PID1: variants seen among roughly 807,000 people sequenced by gnomAD.
PID1 encodes phosphotyrosine interaction domain containing 1.
Under a neutral mutation model 19.1 loss-of-function variants are expected in PID1, and 10 were observed. The ratio of observed to expected loss-of-function variants is 0.52; its 90% CI spans 0.32 to 0.89. PID1 has a LOEUF of 0.89. Ranked by LOEUF, PID1 falls within the 40% of genes least tolerant of loss-of-function variation. The pLI, the probability that PID1 is intolerant of heterozygous loss-of-function variation, is 0.03. For synonymous variants in PID1, 130 were observed against 116.0 expected (o/e 1.12, Z -0.78); for missense variants, 248 against 285.3 (o/e 0.87, Z 0.94).
intron 2 of PID1, among the ~76,000 whole-genome samples, chr2:229,140,240 T>G (rs933366894): frequency 6.6e-6 from 1 of 152,144 alleles, no homozygotes; most frequent in East Asian, 1.9e-4. Flanking sequence ...AGGCCGACAC[T>G]GGAATCCTCC....
chr2:229,062,407 G>A lies in PID1; in HGVS notation c.178-36299C>T, dbSNP rs1694230613. On this transcript the variant is annotated intron_variant, in intron 2 of 2. Coordinates refer to ENST00000392055, the MANE Select transcript of PID1 (RefSeq NM_001100818.2). ...AAACATTTATTGATTTGTGTATGTTGAACCATCCTTGTAACCCAGGAATAC... is the reference window on the plus strand; with the variant it reads ...AAACATTTATTGATTTGTGTATGTTAAACCATCCTTGTAACCCAGGAATAC... Among the ~76,000 whole-genome samples, 3 of 151,928 alleles carry A rather than the reference G, an allele frequency of 2.0e-5. No homozygotes were observed. In the South Asian group the frequency reaches 6.2e-4, roughly 32 times the overall value.
intron 2 of PID1, among the ~76,000 whole-genome samples, chr2:229,065,729 A>AAAAAG (rs765746020): frequency 4.3e-5 from 6 of 140,678 alleles, no homozygotes; most frequent in African/African-American, 1.7e-4. Context: ...AAAAAAAAAA[A>AAAAAG]AAACAGGTTG....
At chr2:229,205,419 T>A (rs1457278100) in intron 1 of PID1, among the ~76,000 whole-genome samples, 2 of 152,170 alleles carry the variant, frequency 1.3e-5, no homozygotes, top group Non-Finnish European at 2.9e-5. Context: ...TATCTACCAA[T>A]TAAAACCTGC....
chr2:229,271,173 C>A lies in PID1; in HGVS notation c.-130G>T. ...GGATGTGCGTCCTGGCGCTGGCCAC[C>A]GCCGCCGGGTGGGCGTAGGGGGCTG... On this transcript the variant is annotated 5_prime_UTR_variant, in exon 1 of 3. Transcript: ENST00000392055. 3.8e-6 allele frequency: 4 copies of A among 1,058,940 alleles called. No individual in the cohort carries two copies. The highest frequency in any genetic ancestry group is 2.9e-5 in the East Asian group (1 of 34,100). 65.6% of individuals were successfully genotyped at this position (1,058,940 alleles called of 1,614,324 possible). A position where few individuals can be genotyped will look rare whatever the true frequency, so the allele number is the denominator to read the frequency against.
At chr2:229,117,775 C>A (rs1695438945) in intron 2 of PID1, among the ~76,000 whole-genome samples, 1 of 151,980 alleles carries the variant, frequency 6.6e-6, no homozygotes, top group African/African-American at 2.4e-5. Context: ...TTACCTAGAC[C>A]CTTCCTGCTT....
At chr2:229,038,382 C>T (rs540306565) in intron 2 of PID1, among the ~76,000 whole-genome samples, 14 of 152,184 alleles carry the variant, frequency 9.2e-5, no homozygotes, top group African/African-American at 3.4e-4. Context: ...ATATGTGGAA[C>T]AACTTGGATG....
At chr2:229,195,413 T>C (rs1298979965) in intron 1 of PID1, among the ~76,000 whole-genome samples, 3 of 151,786 alleles carry the variant, frequency 2.0e-5, no homozygotes, top group African/African-American at 4.8e-5. Flanking sequence ...ATAACATGCA[T>C]ACATACATGT....
chr2:229,074,861 T>C (rs1187565841), intron 2 of PID1, among the ~76,000 whole-genome samples: 1 of 152,174 alleles, frequency 6.6e-6, no homozygotes, highest in Non-Finnish European at 1.5e-5. Context: ...GTTGAGAAAG[T>C]TTTAAAAATG....
chr2:229,165,369 A>G (rs1690576523), intron 1 of PID1, among the ~76,000 whole-genome samples: 1 of 152,140 alleles, frequency 6.6e-6, no homozygotes, highest in Non-Finnish European at 1.5e-5. Context: ...GAAGGCTGAG[A>G]CAGGCAGACC....
chr2:229,134,275 C>T (rs1255977717), intron 2 of PID1, among the ~76,000 whole-genome samples: 5 of 131,946 alleles, frequency 3.8e-5, no homozygotes, highest in African/African-American at 1.4e-4. Flanking sequence ...TGCACTGTCA[C>T]CCAGGCTGGA....
intron 1 of PID1, among the ~76,000 whole-genome samples, chr2:229,191,221 T>G (rs572146893): frequency 3.3e-5 from 5 of 151,976 alleles, no homozygotes; most frequent in Non-Finnish European, 5.9e-5. Context: ...CTTTAGAAAA[T>G]GTCATGTGTC....
chr2:229,185,422 T>G (rs1028392334), intron 1 of PID1, among the ~76,000 whole-genome samples: 10 of 152,260 alleles, frequency 6.6e-5, no homozygotes, highest in African/African-American at 2.4e-4. Context: ...TCTTTCCCCC[T>G]GTATTAGTCT....
At chr2:229,132,943 T>C (rs900812177) in intron 2 of PID1, among the ~76,000 whole-genome samples, 6 of 152,128 alleles carry the variant, frequency 3.9e-5, no homozygotes, top group Non-Finnish European at 8.8e-5. Context: ...AGGATAAAAA[T>C]GTTGACAATT....
At chr2:229,113,596 A>ATGTGTGTGTGTGTGTG (rs3083856) in intron 2 of PID1, among the ~76,000 whole-genome samples, 11 of 142,040 alleles carry the variant, frequency 7.7e-5, no homozygotes, top group Non-Finnish European at 1.2e-4. Flanking sequence ...GTATGCATAT[A>ATGTGTGTGTGTGTGTG]TGTGTGTGTG....
At chr2:229,102,661 C>T (rs1695097115) in intron 2 of PID1, among the ~76,000 whole-genome samples, 1 of 152,198 alleles carries the variant, frequency 6.6e-6, no homozygotes, top group South Asian at 2.1e-4. Context: ...GGCTCATTCT[C>T]ATCAAATCCC....
chr2:229,132,998 C>A (rs61532152), intron 2 of PID1, among the ~76,000 whole-genome samples: 1 of 151,966 alleles, frequency 6.6e-6, no homozygotes, highest in African/African-American at 2.4e-5. Context: ...TTTAACCTGG[C>A]GACATTAGGA....
chr2:229,101,142 G>A (rs1369649083), intron 2 of PID1, among the ~76,000 whole-genome samples: 8 of 152,222 alleles, frequency 5.3e-5, no homozygotes, highest in African/African-American at 1.9e-4. Context: ...AGATTCCCAT[G>A]AGGGGAGAAA....
intron 1 of PID1, among the ~76,000 whole-genome samples, chr2:229,169,807 T>C (rs1207335450): frequency 2.6e-5 from 4 of 152,166 alleles, no homozygotes; most frequent in Non-Finnish European, 5.9e-5. Flanking sequence ...TAGGAAAAAC[T>C]ACCCAGAATT....
chr2:229,028,341 C>T (rs7580295), intron 2 of PID1, among the ~76,000 whole-genome samples: 20,910 of 152,134 alleles, frequency 0.14, 1,472 homozygotes, highest in Admixed American at 0.18. Context: ...CATCAAAGTT[C>T]GTGTAAATTG....
Sources: allele counts gnomAD v4.1 joint callset (sites outside exome capture counted in the v4.1 genomes callset), GRCh38; gene constraint gnomAD v4.1.1; transcripts MANE v1.5; gene names NCBI Gene and HGNC (gene_info 2026-07-23, HGNC 2026-07-21).